Variants in LY96 observed in about 807,000 individuals in gnomAD.
LY96 encodes the protein myeloid differentiation protein-2.
LY96 carries 18 observed loss-of-function variants against 18.9 expected under a neutral mutation model. The ratio of observed to expected loss-of-function variants is 0.95; its 90% confidence interval spans 0.66 to 1.41. LY96 has a LOEUF of 1.41. Ranked by LOEUF, LY96 falls within the 40% of genes most tolerant of loss-of-function variation. LY96 has a pLI of 0.00. For missense variants in LY96, 175 were observed against 182.4 expected, an observed-to-expected ratio of 0.96 and a Z score of 0.23; for synonymous variants, 66 against 62.6, an observed-to-expected ratio of 1.06 and a Z score of -0.26.
chr8:74,062,663 G>A, the LY96 span, among the ~76,000 whole-genome samples: 1 of 152,120 alleles, frequency 6.6e-6, no homozygotes, highest in East Asian at 1.9e-4. Flanking sequence ...CGTTTGGGTT[G>A]ATTCCATGTC....
the LY96 span, among the ~76,000 whole-genome samples, chr8:74,088,083 AAGAATAGAATAGAATAGAAT>A: frequency 1.6e-3 from 192 of 120,428 alleles, 1 homozygote; most frequent in Admixed American, 4.4e-3. Flanking sequence ...TCACTGAGAG[AAGAATAGAATAGAATAGAAT>A]AGAATAGAAT....
downstream of LY96, among the ~76,000 whole-genome samples, chr8:74,030,055 G>C (rs1165724307): frequency 6.6e-6 from 1 of 152,216 alleles, no homozygotes; most frequent in African/African-American, 2.4e-5. Flanking sequence ...AGCTGAGACA[G>C]AATTAGTGTA....
the LY96 span, among the ~76,000 whole-genome samples, chr8:74,045,516 G>T: frequency 1.3e-5 from 2 of 152,142 alleles, no homozygotes; most frequent in Non-Finnish European, 2.9e-5. Flanking sequence ...TTAGCTGTAA[G>T]GTATTATTAC....
chr8:74,003,599 T>C (rs1816345955), intron 1 of LY96, among the ~76,000 whole-genome samples: 1 of 152,226 alleles, frequency 6.6e-6, no homozygotes, highest in African/African-American at 2.4e-5. Flanking sequence ...TAAAACAGAA[T>C]ACTTGAAGTT....
the LY96 span, among the ~76,000 whole-genome samples, chr8:74,054,545 TTC>T: frequency 7.2e-6 from 1 of 138,942 alleles, no homozygotes; most frequent in Non-Finnish European, 1.5e-5. Context: ...CCTTCCTTCC[TTC>T]CTTCCTTCCT....
the LY96 span, among the ~76,000 whole-genome samples, chr8:74,090,449 A>G: frequency 6.6e-6 from 1 of 152,260 alleles, no homozygotes; most frequent in Admixed American, 6.5e-5. Context: ...TAGAGCTATA[A>G]GAAATAACAT....
intron 1 of LY96, among the ~76,000 whole-genome samples, chr8:73,992,542 G>C (rs565318487): frequency 2.3e-4 from 35 of 152,204 alleles, no homozygotes; most frequent in African/African-American, 7.5e-4. Flanking sequence ...TTTTAGTCTG[G>C]AGTGTATGTT....
chr8:74,052,827 A>G, the LY96 span, among the ~76,000 whole-genome samples: 1 of 152,246 alleles, frequency 6.6e-6, no homozygotes, highest in Non-Finnish European at 1.5e-5. Context: ...CTAGCTGGAT[A>G]GTAAGGAGGG....
At chr8:74,086,173 T>C in the LY96 span, among the ~76,000 whole-genome samples, 1 of 152,230 alleles carries the variant, frequency 6.6e-6, no homozygotes, top group Admixed American at 6.5e-5. Flanking sequence ...ATTCAGGTCT[T>C]AGCATAAATG....
chr8:74,072,826 T>G, the LY96 span, among the ~76,000 whole-genome samples: 1 of 152,184 alleles, frequency 6.6e-6, no homozygotes, highest in Non-Finnish European at 1.5e-5. Context: ...ACAGCTCTTC[T>G]GAGAAAGGCC....
chr8:74,038,559 A>G, the LY96 span, among the ~76,000 whole-genome samples: 117 of 152,142 alleles, frequency 7.7e-4, 1 homozygote, highest in Middle Eastern at 3.4e-3. Context: ...TTTTAATTTA[A>G]TTTTATTTTT....
the LY96 span, among the ~76,000 whole-genome samples, chr8:74,055,516 A>G: frequency 4.3e-3 from 656 of 152,304 alleles, 2 homozygotes; most frequent in Non-Finnish European, 6.9e-3. Context: ...CCAGGACATT[A>G]TGTGACACAA....
In LY96 at chr8:73,991,452, T is replaced by C. The variant is rs185479794; in HGVS notation, c.10T>C (p.Phe4Leu). The change falls in exon 1 of 5, where the codon TTT (phenylalanine) becomes CTT (leucine). Residue 4 changes from phenylalanine (F) to leucine (L), a missense_variant. Physicochemically the swap from Phe to Leu is conservative, Grantham distance 22 (BLOSUM62 0). Coordinates refer to ENST00000284818, the MANE Select transcript of LY96 (RefSeq NM_015364.5). Reference protein sequence around the residue: MLPFLFFSTLFSSI... With the variant: MLPLLFFSTLFSSI... ...TTGGAGATATTGAATCATGTTACCATTTCTGTTTTTTTCCACCCTGTTTTC... is the reference window on the plus strand; with the variant it reads ...TTGGAGATATTGAATCATGTTACCACTTCTGTTTTTTTCCACCCTGTTTTC... 2 of 1,590,254 alleles carry C rather than the reference T, an allele frequency of 1.3e-6. No individual in the cohort carries two copies. The highest frequency in any genetic ancestry group is 2.7e-5 in the African/African-American group (2 of 74,382).
At chr8:73,996,372 C>CCTTCCTTCCTTCCTTTCTTT (rs1816135382) in intron 1 of LY96, among the ~76,000 whole-genome samples, 10 of 110,996 alleles carry the variant, frequency 9.0e-5, no homozygotes, top group South Asian at 3.1e-4. Flanking sequence ...TTCCTTCATT[C>CCTTCCTTCCTTCCTTTCTTT]CTTTCTTTCT....
intron 3 of LY96, among the ~76,000 whole-genome samples, chr8:74,017,278 C>T (rs1287746344): frequency 3.3e-5 from 5 of 151,934 alleles, no homozygotes; most frequent in Admixed American, 6.6e-5. Context: ...GTAGCCAATT[C>T]GATCAAGTGG....
At chr8:74,089,929 A>G in the LY96 span, among the ~76,000 whole-genome samples, 2 of 151,882 alleles carry the variant, frequency 1.3e-5, no homozygotes, top group African/African-American at 4.9e-5. Context: ...AGTTTGAGAA[A>G]GAGTGGGGAG....
chr8:74,053,041 C>T, the LY96 span, among the ~76,000 whole-genome samples: 4 of 152,246 alleles, frequency 2.6e-5, no homozygotes, highest in African/African-American at 7.2e-5. Context: ...GCCAAGCAAC[C>T]CTTGCACATC....
At chr8:74,071,864 A>G in the LY96 span, among the ~76,000 whole-genome samples, 1 of 152,138 alleles carries the variant, frequency 6.6e-6, no homozygotes, top group Admixed American at 6.5e-5. Flanking sequence ...TTTCTCTGCA[A>G]TATCGTGTTG....
At chr8:74,020,650 T>C (rs970554350) in intron 3 of LY96, among the ~76,000 whole-genome samples, 2 of 152,156 alleles carry the variant, frequency 1.3e-5, no homozygotes, top group African/African-American at 4.8e-5. Flanking sequence ...GGAGGCATCA[T>C]GCTACCTGAC....
Sources: gnomAD v4.1 joint callset for allele counts (sites outside exome capture counted in the v4.1 genomes callset) on GRCh38, gnomAD v4.1.1 for gene constraint, MANE v1.5 for transcripts, NCBI Gene and HGNC (gene_info 2026-07-23, HGNC 2026-07-21) for gene names.